The following ARHGAP18 variants were observed in gnomAD, a reference collection of about 807,000 sequenced individuals.
The protein encoded by ARHGAP18 is rho GTPase-activating protein 18.
In ARHGAP18, 67 loss-of-function variants were observed where a neutral mutation model predicts 86.2. The ratio of observed to expected loss-of-function variants is 0.78; its 90% confidence interval spans 0.64 to 0.95. ARHGAP18 has a LOEUF of 0.95. Among genes scored for constraint, ARHGAP18 ranks in the 40% least tolerant of loss-of-function variants. The pLI is 0.00. For synonymous variants in ARHGAP18, 283 were observed against 280.4 expected (o/e 1.01, Z -0.09); for missense variants, 691 against 780.4 (o/e 0.89, Z 1.37).
rs1253491821 is a variant in ARHGAP18, at chr6:129,625,185, TTA to T, written c.786+4166_786+4167del. ...TATATTATATATGATATATTATATATTATATATGATATATATTTATATGTAAT... is the reference window on the plus strand; with the variant it reads ...TATATTATATATGATATATTATATATTATATGATATATATTTATATGTAAT... On this transcript the variant is annotated intron_variant, in intron 5 of 14. Coordinates refer to ENST00000368149, the MANE Select transcript of ARHGAP18 (RefSeq NM_033515.3). Among the ~76,000 whole-genome samples the T allele has an allele frequency of 3.5e-5, 3 of 85,282 alleles. 1 individual carries two copies. The highest frequency in any genetic ancestry group is 6.0e-5 in the Non-Finnish European group (3 of 50,134). 55.9% of individuals were successfully genotyped at this position (85,282 alleles called of 152,430 possible). A position where few individuals can be genotyped will look rare whatever the true frequency, so the allele number is the denominator to read the frequency against.
At chr6:129,702,435 AT>A (rs1362049935) in intron 1 of ARHGAP18, among the ~76,000 whole-genome samples, 1 of 152,248 alleles carries the variant, frequency 6.6e-6, no homozygotes, top group Admixed American at 6.5e-5. Flanking sequence ...AGAAAAGCCC[AT>A]TAAATATCAA....
intron 12 of ARHGAP18, among the ~76,000 whole-genome samples, chr6:129,585,098 C>G (rs1325446983): frequency 2.0e-5 from 3 of 149,426 alleles, no homozygotes; most frequent in Admixed American, 6.7e-5. Flanking sequence ...TGAGACTAGC[C>G]TGGCCAACAT....
At chr6:129,591,368 T>C (rs1043674964) in intron 12 of ARHGAP18, among the ~76,000 whole-genome samples, 4 of 152,120 alleles carry the variant, frequency 2.6e-5, no homozygotes, top group African/African-American at 7.2e-5. Context: ...AGCGTGCTTG[T>C]GAACTGCAGT....
intron 1 of ARHGAP18, among the ~76,000 whole-genome samples, chr6:129,696,653 A>C: frequency 6.6e-6 from 1 of 152,202 alleles, no homozygotes; most frequent in East Asian, 1.9e-4. Flanking sequence ...CCCCTGCATG[A>C]GGCATTTATG....
intron 12 of ARHGAP18, among the ~76,000 whole-genome samples, chr6:129,589,534 C>T (rs1445348930): frequency 2.0e-5 from 3 of 152,196 alleles, no homozygotes; most frequent in Non-Finnish European, 2.9e-5. Flanking sequence ...AACTTTCCCA[C>T]GTCTTCCTGT....
At chr6:129,625,314 G>A (rs190044604) in intron 5 of ARHGAP18, among the ~76,000 whole-genome samples, 1 of 47,420 alleles carries the variant, frequency 2.1e-5, no homozygotes, top group African/African-American at 9.4e-5. Context: ...ATATTTATAT[G>A]TAATATATAT....
intron 5 of ARHGAP18, among the ~76,000 whole-genome samples, chr6:129,622,468 A>G (rs1262997913): frequency 6.6e-6 from 1 of 152,220 alleles, no homozygotes; most frequent in East Asian, 1.9e-4. Context: ...TATTAATTCA[A>G]ACATTTGATT....
chr6:129,701,053 G>A (rs750396162), intron 1 of ARHGAP18, among the ~76,000 whole-genome samples: 2 of 150,540 alleles, frequency 1.3e-5, no homozygotes, highest in Non-Finnish European at 3.0e-5. Context: ...TTACATCTGA[G>A]TATATAATAA....
chr6:129,656,677 AT>A (rs1264740203), intron 1 of ARHGAP18, among the ~76,000 whole-genome samples: 4 of 150,262 alleles, frequency 2.7e-5, no homozygotes, highest in African/African-American at 7.3e-5. Context: ...ATAAAAAAAA[AT>A]ATCAATAGCA....
At chr6:129,688,538 G>A (rs910579074) in intron 1 of ARHGAP18, among the ~76,000 whole-genome samples, 3 of 152,056 alleles carry the variant, frequency 2.0e-5, no homozygotes, top group Non-Finnish European at 4.4e-5. Context: ...CATGCCTGTA[G>A]TCCCAGCACT....
intron 1 of ARHGAP18, among the ~76,000 whole-genome samples, chr6:129,683,197 G>C (rs865887383): frequency 6.6e-6 from 1 of 151,494 alleles, no homozygotes; most frequent in South Asian, 2.1e-4. Flanking sequence ...TCAGCCTCCC[G>C]AGTAGCTGGG....
intron 5 of ARHGAP18, among the ~76,000 whole-genome samples, chr6:129,624,909 C>T (rs967978733): frequency 2.1e-5 from 3 of 145,246 alleles, no homozygotes; most frequent in African/African-American, 7.7e-5. Flanking sequence ...CACACCATTG[C>T]ACTCCAGCCT....
chr6:129,633,996 T>C (rs754520237), intron 4 of ARHGAP18, 46 bp downstream of exon 4: 5 of 1,497,188 alleles, frequency 3.3e-6, no homozygotes, highest in Middle Eastern at 3.5e-4. Flanking sequence ...GTTATACTAA[T>C]TAAAGGGCGG....
chr6:129,593,839 G>A (rs1788563750), intron 12 of ARHGAP18, among the ~76,000 whole-genome samples: 2 of 152,180 alleles, frequency 1.3e-5, no homozygotes, highest in South Asian at 2.1e-4. Context: ...TCAGTATGCT[G>A]TAGTCACTAA....
At chr6:129,591,165 T>C (rs1788504572) in intron 12 of ARHGAP18, among the ~76,000 whole-genome samples, 1 of 152,236 alleles carries the variant, frequency 6.6e-6, no homozygotes, top group Non-Finnish European at 1.5e-5. Flanking sequence ...ATTACTATAC[T>C]AATTACATTG....
chr6:129,688,652 C>A (rs554687999), intron 1 of ARHGAP18, among the ~76,000 whole-genome samples: 103 of 152,238 alleles, frequency 6.8e-4, no homozygotes, highest in African/African-American at 2.5e-3. Context: ...ATTAGCCAAG[C>A]ATGGTGGCAC....
intron 1 of ARHGAP18, among the ~76,000 whole-genome samples, chr6:129,701,031 C>A (rs111730254): frequency 4.6e-5 from 7 of 150,860 alleles, no homozygotes; most frequent in African/African-American, 1.5e-4. Context: ...AAAGTTCTCA[C>A]CCTCAATGAA....
At chr6:129,639,250 C>G (rs1773396876) in intron 2 of ARHGAP18, among the ~76,000 whole-genome samples, 2 of 152,032 alleles carry the variant, frequency 1.3e-5, no homozygotes, top group Admixed American at 1.3e-4. Context: ...GATAATCAAA[C>G]AACAATCAAT....
At chr6:129,584,636 T>G (rs80309101) in intron 12 of ARHGAP18, among the ~76,000 whole-genome samples, 189 of 152,326 alleles carry the variant, frequency 1.2e-3, no homozygotes, top group African/African-American at 4.4e-3. Flanking sequence ...CACTTTGAAC[T>G]TACGATGACC....
Sources: gnomAD v4.1 joint callset for allele counts (sites outside exome capture counted in the v4.1 genomes callset) on GRCh38, gnomAD v4.1.1 for gene constraint, MANE v1.5 for transcripts, NCBI Gene and HGNC (gene_info 2026-07-23, HGNC 2026-07-21) for gene names.